CACNA1C: variants seen among roughly 807,000 people sequenced by gnomAD.
The protein encoded by CACNA1C is voltage-dependent L-type calcium channel subunit alpha-1C.
In CACNA1C, 30 loss-of-function variants were observed where a neutral mutation model predicts 229.0. The observed-to-expected ratio is 0.13, with a 90% CI of 0.10 to 0.18. CACNA1C has a LOEUF of 0.18. CACNA1C is among the 10% of genes least tolerant of loss of function. CACNA1C has a pLI of 1.00. For missense variants in CACNA1C, 1,658 were observed against 2,845.0 expected (o/e 0.58, Z 9.49); for synonymous variants, 1,114 against 1,132.5 (o/e 0.98, Z 0.33).
chr12:2,632,566 G>A lies in CACNA1C; in HGVS notation c.3829-1731G>A. On this transcript the variant is annotated intron_variant, in intron 29 of 46. Coordinates refer to ENST00000399655, the MANE Select transcript of CACNA1C (RefSeq NM_000719.7). The surrounding 1 kb of genome is among the most constrained non-coding windows in gnomAD (Gnocchi z 4.1). ...TTCGTCCCTTCTCTTCTCCAAACAT[G>A]GTGAAAAATAAACAAAATCCATAGC... is the stretch of plus-strand genomic sequence containing the variant. Among the ~76,000 whole-genome samples, 1 of 152,094 alleles carries A rather than the reference G, an allele frequency of 6.6e-6. No individual in the cohort carries two copies. The highest frequency in any genetic ancestry group is 1.9e-4 in the East Asian group (1 of 5,170).
rs766475919 is a variant in CACNA1C at position 1,993,097 on chromosome 12, T to C, written c.139+21896T>C. ...TTAAACTCTTCCAAGGAAGAATCTA[T>C]TCCATCATTAGGGCATGCATTTCCT... On this transcript the variant is annotated intron_variant, in intron 1 of 46. Transcript: ENST00000682462. 1.3e-4 allele frequency: 115 copies of C among 875,594 alleles called. No homozygotes were observed. In the Admixed American group the frequency reaches 1.9e-3, roughly 14 times the overall value. The allele number at this position is 875,594 out of a possible 1,614,324, so 54.2% of individuals were successfully genotyped here.
At chr12:1,989,972 GC>G (rs2038936552) in intron 1 of CACNA1C, among the ~76,000 whole-genome samples, 1 of 152,096 alleles carries the variant, frequency 6.6e-6, no homozygotes, top group Non-Finnish European at 1.5e-5. Context: ...AAAAAAACTT[GC>G]TTTTTAAACC....
chr12:2,044,531 G>C (rs1039934904), intron 1 of CACNA1C, among the ~76,000 whole-genome samples: 1 of 152,160 alleles, frequency 6.6e-6, no homozygotes, highest in Non-Finnish European at 1.5e-5. Context: ...GAGTGAACTA[G>C]CCAAGTGTTA....
intron 1 of CACNA1C, among the ~76,000 whole-genome samples, chr12:2,072,616 A>T (rs2061772868): frequency 3.3e-5 from 5 of 152,152 alleles, no homozygotes; most frequent in Admixed American, 3.3e-4. Flanking sequence ...AACTTTCAAG[A>T]TGTTAGTCCA....
At chr12:2,495,913 A>G (rs1399643612) in intron 7 of CACNA1C, among the ~76,000 whole-genome samples, 1 of 152,140 alleles carries the variant, frequency 6.6e-6, no homozygotes, top group Admixed American at 6.5e-5. Flanking sequence ...TCCTGCTTTC[A>G]ATTTCTCTAA....
intron 3 of CACNA1C, among the ~76,000 whole-genome samples, chr12:2,147,513 G>C (rs2094834182): frequency 6.6e-6 from 1 of 151,260 alleles, no homozygotes; most frequent in Non-Finnish European, 1.5e-5. Flanking sequence ...CCAGGGACCT[G>C]TTGCCTCTTT....
At chr12:2,350,658 T>C (rs1021463343) in intron 3 of CACNA1C, among the ~76,000 whole-genome samples, 1 of 152,192 alleles carries the variant, frequency 6.6e-6, no homozygotes, top group Non-Finnish European at 1.5e-5. Flanking sequence ...GGTCACCCCC[T>C]CATATGGGCA....
chr12:2,390,879 G>C (rs115864702), intron 3 of CACNA1C, among the ~76,000 whole-genome samples: 17 of 152,328 alleles, frequency 1.1e-4, no homozygotes, highest in African/African-American at 4.1e-4. Context: ...CCTGTGGCAT[G>C]CTGGAGCTTA....
chr12:2,662,344 A>C (rs2095805713), intron 34 of CACNA1C, among the ~76,000 whole-genome samples: 1 of 152,200 alleles, frequency 6.6e-6, no homozygotes, highest in African/African-American at 2.4e-5. Context: ...GTATATATAC[A>C]AGAAAAATTA....
intron 3 of CACNA1C, among the ~76,000 whole-genome samples, chr12:2,393,047 C>A (rs112653186): frequency 0.016 from 2,460 of 152,262 alleles, 28 homozygotes; most frequent in Middle Eastern, 0.034. Flanking sequence ...TGTACAAACA[C>A]ATGCCCCTCA....
At chr12:2,428,171 T>C (rs551056101) in intron 3 of CACNA1C, among the ~76,000 whole-genome samples, 148 of 152,242 alleles carry the variant, frequency 9.7e-4, no homozygotes, top group Admixed American at 2.3e-3. Flanking sequence ...AGCCCCAATT[T>C]TTTTCACTGA....
At chr12:2,161,229 A>T (rs1231996844) in intron 3 of CACNA1C, among the ~76,000 whole-genome samples, 3 of 152,210 alleles carry the variant, frequency 2.0e-5, no homozygotes, top group Non-Finnish European at 4.4e-5. Context: ...TATGTGATTG[A>T]CAAGACCTTG....
At chr12:2,166,864 G>C (rs1249089375) in intron 3 of CACNA1C, among the ~76,000 whole-genome samples, 1 of 152,204 alleles carries the variant, frequency 6.6e-6, no homozygotes, top group Admixed American at 6.5e-5. Context: ...AGGCTTCTGA[G>C]TGTGGGAGTG....
At chr12:2,655,370 G>GC in intron 34 of CACNA1C, 132 bp downstream of exon 34, 2 of 593,306 alleles carry the variant, frequency 3.4e-6, no homozygotes, top group Non-Finnish European at 5.9e-6. Flanking sequence ...CTTGCTCTCT[G>GC]CCTGACAAGG....
intron 1 of CACNA1C, among the ~76,000 whole-genome samples, chr12:2,059,582 G>T (rs1336895140): frequency 6.6e-6 from 1 of 151,952 alleles, no homozygotes; most frequent in Non-Finnish European, 1.5e-5. Context: ...TTTAAAATGG[G>T]CTTCTTGTGC....
At chr12:2,040,260 T>C (rs2049859689) in intron 1 of CACNA1C, among the ~76,000 whole-genome samples, 1 of 152,186 alleles carries the variant, frequency 6.6e-6, no homozygotes, top group African/African-American at 2.4e-5. Flanking sequence ...GGAAATGTTC[T>C]TAGCTCTGTG....
chr12:2,339,958 T>TA (rs113798934), intron 3 of CACNA1C, among the ~76,000 whole-genome samples: 15,819 of 152,264 alleles, frequency 0.1, 916 homozygotes, highest in South Asian at 0.14. Flanking sequence ...TATATTTTTT[T>TA]AAAAAAGAAT....
intron 29 of CACNA1C, among the ~76,000 whole-genome samples, chr12:2,615,167 G>A (rs2079821639): frequency 6.6e-6 from 1 of 152,200 alleles, no homozygotes; most frequent in African/African-American, 2.4e-5. Context: ...GCCATGACCT[G>A]GAGATAACTG....
At chr12:2,620,734 T>G (rs1048975445) in intron 29 of CACNA1C, among the ~76,000 whole-genome samples, 2 of 152,238 alleles carry the variant, frequency 1.3e-5, no homozygotes, top group African/African-American at 4.8e-5. Flanking sequence ...CTGCATGTGT[T>G]TCCACACACA....
Sources: allele counts gnomAD v4.1 joint callset (sites outside exome capture counted in the v4.1 genomes callset), GRCh38; gene constraint gnomAD v4.1.1; non-coding constraint Gnocchi (gnomAD v3.1); transcripts MANE v1.5; gene names NCBI Gene and HGNC (gene_info 2026-07-23, HGNC 2026-07-21).